CLSTN2: variants seen among roughly 807,000 people sequenced by gnomAD.
The protein encoded by CLSTN2 is calsyntenin 2, also known as calsyntenin-2.
A neutral mutation model predicts 101.2 loss-of-function variants in CLSTN2; 48 were observed. The observed-to-expected ratio is 0.47, with a 90% CI of 0.38 to 0.60. The LOEUF (loss-of-function observed/expected upper bound fraction) is 0.60, where lower values mean the gene tolerates loss of function less well. Ranked by LOEUF, CLSTN2 falls within the 20% of genes least tolerant of loss-of-function variation. The pLI is 0.00. For synonymous variants in CLSTN2, 481 were observed against 463.6 expected (o/e 1.04, Z -0.48); for missense variants, 1,160 against 1,238.2 (o/e 0.94, Z 0.95).
In CLSTN2 at chr3:140,576,093, T is replaced by C. The variant is rs1447563207; in HGVS notation, c.*9840T>C. On this transcript the variant is annotated 3_prime_UTR_variant, in exon 17 of 17. Coordinates refer to ENST00000458420, the MANE Select transcript of CLSTN2 (RefSeq NM_022131.3). ...CTCAGTAGTATGAGTATACCCCAAA[T>C]TGAATGAGCCACAGAGAAATGCATC... is the stretch of plus-strand genomic sequence containing the variant. The C allele has an allele frequency of 6.6e-6, 1 of 152,144 alleles. No homozygotes were observed. Among genetic ancestry groups the C allele is most frequent in the African/African-American group, 2.4e-5 (1 of 41,424 alleles). 9.4% of individuals were successfully genotyped at this position (152,144 alleles called of 1,614,324 possible).
chr3:140,125,403 C>T (rs4234482), intron 1 of CLSTN2, among the ~76,000 whole-genome samples: 2 of 152,070 alleles, frequency 1.3e-5, no homozygotes, highest in East Asian at 1.9e-4. Flanking sequence ...CACAAGTAGC[C>T]GGGTGGGCAT....
intron 2 of CLSTN2, among the ~76,000 whole-genome samples, chr3:140,197,375 A>G (rs914876944): frequency 1.3e-5 from 2 of 152,204 alleles, no homozygotes; most frequent in African/African-American, 4.8e-5. Flanking sequence ...ATATATGTGA[A>G]TCTAAATAAA....
intron 8 of CLSTN2, among the ~76,000 whole-genome samples, chr3:140,486,522 T>C (rs1934244570): frequency 1.3e-5 from 2 of 152,188 alleles, no homozygotes; most frequent in Admixed American, 6.5e-5. Context: ...ACTCTAAGAA[T>C]ACTGTGATAA....
chr3:140,078,152 G>T (rs2008524264), intron 1 of CLSTN2, among the ~76,000 whole-genome samples: 3 of 152,248 alleles, frequency 2.0e-5, no homozygotes, highest in Non-Finnish European at 4.4e-5. Context: ...AGGACACCCT[G>T]CACCCTCTTT....
intron 2 of CLSTN2, among the ~76,000 whole-genome samples, chr3:140,309,888 A>G (rs1179531709): frequency 6.6e-6 from 1 of 152,100 alleles, no homozygotes; most frequent in African/African-American, 2.4e-5. Flanking sequence ...ACATAAAAAC[A>G]CATATACCAC....
intron 1 of CLSTN2, among the ~76,000 whole-genome samples, chr3:139,985,650 A>G (rs976893482): frequency 3.3e-5 from 5 of 152,186 alleles, no homozygotes; most frequent in African/African-American, 9.7e-5. Context: ...TGTAGCTGTC[A>G]CTAAAAAAGG....
At position 140,186,163 on chromosome 3, in the gene CLSTN2, C is replaced by T. The variant is rs117349383; in HGVS notation, c.232+10090C>T. Among the ~76,000 whole-genome samples, 93 of 152,242 alleles carry T rather than the reference C, an allele frequency of 6.1e-4. No homozygotes were observed. In the East Asian group the frequency reaches 0.016, roughly 26 times the overall value. On this transcript the variant is annotated intron_variant, in intron 2 of 16. Transcript: ENST00000458420. ...TTGAGGAAATCGTCTTTTAAAAAGA[C>T]ATAACTGGCAATCATCATAGCAAAA...
intron 1 of CLSTN2, among the ~76,000 whole-genome samples, chr3:139,993,090 TTG>T (rs570513043): frequency 1.3e-5 from 2 of 152,058 alleles, no homozygotes; most frequent in Non-Finnish European, 1.5e-5. Context: ...TCAATTTCTG[TTG>T]TGTGTGTGTA....
intron 1 of CLSTN2, among the ~76,000 whole-genome samples, chr3:140,041,976 A>G (rs2007769747): frequency 6.6e-6 from 1 of 152,162 alleles, no homozygotes; most frequent in Non-Finnish European, 1.5e-5. Flanking sequence ...GTTTATTTTC[A>G]TACATAATGG....
At chr3:140,226,033 G>A (rs2086316725) in intron 2 of CLSTN2, among the ~76,000 whole-genome samples, 1 of 152,134 alleles carries the variant, frequency 6.6e-6, no homozygotes, top group Non-Finnish European at 1.5e-5. Flanking sequence ...AAATGCCTTG[G>A]AAAACACCTT....
chr3:140,176,548 G>C (rs2010327796), intron 2 of CLSTN2, among the ~76,000 whole-genome samples: 1 of 152,210 alleles, frequency 6.6e-6, no homozygotes, highest in African/African-American at 2.4e-5. Context: ...CTTCCAAGTG[G>C]GTGTGTCTCT....
chr3:140,142,400 G>A (rs1014899422), intron 1 of CLSTN2, among the ~76,000 whole-genome samples: 43 of 152,146 alleles, frequency 2.8e-4, no homozygotes, highest in Admixed American at 6.5e-5. Flanking sequence ...GGCCCACACT[G>A]GGGCAGGCCT....
At chr3:140,498,512 G>T (rs1934512053) in intron 8 of CLSTN2, among the ~76,000 whole-genome samples, 1 of 152,190 alleles carries the variant, frequency 6.6e-6, no homozygotes, top group Non-Finnish European at 1.5e-5. Flanking sequence ...GGAGCCCAGA[G>T]ACATGTATGA....
intron 4 of CLSTN2, among the ~76,000 whole-genome samples, chr3:140,416,213 G>A (rs893151338): frequency 6.6e-6 from 1 of 152,126 alleles, no homozygotes; most frequent in Non-Finnish European, 1.5e-5. Context: ...GGAGGGAGTG[G>A]AGGAAAAGAG....
At chr3:140,446,700 C>T (rs1334664588) in intron 5 of CLSTN2, among the ~76,000 whole-genome samples, 1 of 152,126 alleles carries the variant, frequency 6.6e-6, no homozygotes, top group Non-Finnish European at 1.5e-5. Flanking sequence ...CCTGACCTTA[C>T]AAAGCCAAGC....
intron 2 of CLSTN2, among the ~76,000 whole-genome samples, chr3:140,250,958 A>C (rs2107875415): frequency 6.6e-6 from 1 of 152,348 alleles, no homozygotes; most frequent in Non-Finnish European, 1.5e-5. Flanking sequence ...GCATTTCTTA[A>C]GCAGCAGAAT....
chr3:140,048,551 C>T (rs1277995889), intron 1 of CLSTN2, among the ~76,000 whole-genome samples: 1 of 152,170 alleles, frequency 6.6e-6, no homozygotes, highest in African/African-American at 2.4e-5. Context: ...CTCACAACAG[C>T]CCTATTGGGT....
In CLSTN2 at chr3:140,105,679, C is replaced by T. The variant is rs753121995; in HGVS notation, c.110-70272C>T. 5.9e-5 allele frequency among the ~76,000 whole-genome samples: 9 copies of T among 152,298 alleles called. No individual in the cohort carries two copies. In the South Asian group the frequency reaches 6.2e-4, roughly 11 times the overall value. On this transcript the variant is annotated intron_variant, in intron 1 of 16. Transcript: ENST00000458420. ...CAGGGTGGGATGCTGTTTCATCAGA[C>T]CCCCGGCACCATGGGCCCCAGCTTT...
chr3:140,092,737 G>A (rs140480971), intron 1 of CLSTN2, among the ~76,000 whole-genome samples: 1 of 152,252 alleles, frequency 6.6e-6, no homozygotes, highest in Non-Finnish European at 1.5e-5. Flanking sequence ...CAACACGAGG[G>A]AGTTCCACGA....
Sources: gnomAD v4.1 joint callset for allele counts (sites outside exome capture counted in the v4.1 genomes callset) on GRCh38, gnomAD v4.1.1 for gene constraint, MANE v1.5 for transcripts, NCBI Gene and HGNC (gene_info 2026-07-23, HGNC 2026-07-21) for gene names.